The following IDO2 variants were observed in gnomAD, a reference collection of about 807,000 sequenced individuals.
IDO2 encodes indoleamine 2,3-dioxygenase-like 1 protein.
A neutral mutation model predicts 45.1 loss-of-function variants in IDO2; 46 were observed. The ratio of observed to expected loss-of-function variants is 1.02; its 90% CI spans 0.80 to 1.30. The LOEUF is 1.30. Among genes scored for constraint, IDO2 ranks in the 50% most tolerant of loss-of-function variants. The pLI, the probability that IDO2 is intolerant of heterozygous loss-of-function variation, is 0.00. For synonymous variants in IDO2, 218 were observed against 184.9 expected, an observed-to-expected ratio of 1.18 and a Z score of -1.45; for missense variants, 544 against 491.8, an observed-to-expected ratio of 1.11 and a Z score of -1.00.
In IDO2 at chr8:39,985,501, G is replaced by A. The variant is rs763812060; in HGVS notation, c.435-7G>A. On this transcript the variant is annotated splice_region_variant and splice_polypyrimidine_tract_variant and intron_variant, in intron 5 of 10. Transcript: ENST00000502986. ...TTGGTGGTCATCAATAACTGAAATT[G>A]GGCTAGATTCCTGGAAATTGGGTAA... The A allele has an allele frequency of 6.4e-6, 10 of 1,562,476 alleles. No individual in the cohort carries two copies. The highest frequency in any genetic ancestry group is 7.8e-6 in the Non-Finnish European group (9 of 1,152,090).
At chr8:39,974,510 C>T (rs547851062) in intron 3 of IDO2, among the ~76,000 whole-genome samples, 39 of 152,296 alleles carry the variant, frequency 2.6e-4, no homozygotes, top group African/African-American at 9.1e-4. Context: ...GGGCCCGGCA[C>T]GGTGGCTCAC....
At chr8:39,962,888 G>C (rs144570124) in intron 2 of IDO2, among the ~76,000 whole-genome samples, 2 of 152,298 alleles carry the variant, frequency 1.3e-5, no homozygotes, top group South Asian at 4.2e-4. Context: ...ATCAGAAAAG[G>C]CAACATTTGA....
chr8:39,959,674 T>C (rs375636071), intron 2 of IDO2, among the ~76,000 whole-genome samples: 1 of 152,004 alleles, frequency 6.6e-6, no homozygotes, highest in Non-Finnish European at 1.5e-5. Context: ...ATACAAAAAA[T>C]TAGCCAGGCA....
chr8:39,985,646 TA>T (rs1265352543), intron 6 of IDO2, 124 bp downstream of exon 6: 8 of 781,810 alleles, frequency 1.0e-5, no homozygotes, highest in South Asian at 1.8e-5. Context: ...ATAAAATGCA[TA>T]AAAAATATAC....
intron 3 of IDO2, among the ~76,000 whole-genome samples, chr8:39,966,204 T>C (rs1001565700): frequency 6.6e-6 from 1 of 151,938 alleles, no homozygotes; most frequent in African/African-American, 2.4e-5. Context: ...AATTTTTGTA[T>C]TTGTAGTAGA....
chr8:39,966,862 T>C (rs769167076), intron 3 of IDO2, among the ~76,000 whole-genome samples: 2 of 152,274 alleles, frequency 1.3e-5, no homozygotes, highest in Non-Finnish European at 2.9e-5. Flanking sequence ...AATGGGCAAC[T>C]CAAAAAGAAG....
intron 2 of IDO2, among the ~76,000 whole-genome samples, chr8:39,951,183 T>C (rs1807809273): frequency 6.6e-6 from 1 of 152,126 alleles, no homozygotes; most frequent in Non-Finnish European, 1.5e-5. Context: ...TCCACACTAT[T>C]CTTTAATCAT....
intron 1 of IDO2, among the ~76,000 whole-genome samples, chr8:39,941,509 G>A (rs2129592994): frequency 6.6e-6 from 1 of 152,262 alleles, no homozygotes; most frequent in South Asian, 2.1e-4. Flanking sequence ...CATTAACAAT[G>A]AGGAGCTCTT....
At chr8:39,997,181 A>T (rs1407545461) in intron 8 of IDO2, among the ~76,000 whole-genome samples, 1 of 152,228 alleles carries the variant, frequency 6.6e-6, no homozygotes, top group Non-Finnish European at 1.5e-5. Flanking sequence ...ATATTTTATT[A>T]AAAGGGCAGA....
intron 2 of IDO2, among the ~76,000 whole-genome samples, chr8:39,961,428 T>C (rs1807995608): frequency 6.7e-6 from 1 of 150,052 alleles, no homozygotes; most frequent in Non-Finnish European, 1.5e-5. Context: ...GTTCAAGCGA[T>C]TCTCCTACAT....
At chr8:39,993,283 G>A (rs1199271061) in intron 8 of IDO2, among the ~76,000 whole-genome samples, 1 of 151,852 alleles carries the variant, frequency 6.6e-6, no homozygotes, top group Non-Finnish European at 1.5e-5. Flanking sequence ...TCTCTAGGAA[G>A]TAATGTTCTT....
intron 8 of IDO2, chr8:39,995,245 C>CTTCTTCTTCTTCTT (rs1563438285): frequency 4.9e-4 from 34 of 68,796 alleles, no homozygotes; most frequent in African/African-American, 1.6e-3. Flanking sequence ...TTCTCCTTCT[C>CTTCTTCTTCTTCTT]CTTCTCCTTC....
At position 40,006,694 on chromosome 8, in the gene IDO2, C is replaced by G. The variant is rs146047172; in HGVS notation, c.719+1316C>G. On this transcript the variant is annotated intron_variant, in intron 9 of 10. Coordinates refer to ENST00000502986, the Ensembl canonical transcript of IDO2. ...TTATTTTTTGAGACAGAGTCTTGCT[C>G]TTTTCACCCAGGCTGGAGTGCAGTG... is the stretch of plus-strand genomic sequence containing the variant. Among the ~76,000 whole-genome samples, 1,317 of 133,484 alleles carry G rather than the reference C, an allele frequency of 9.9e-3. 4 individuals carry two copies. Among genetic ancestry groups the G allele is most frequent in the Non-Finnish European group, 0.014 (866 of 60,132 alleles). 87.6% of individuals were successfully genotyped at this position (133,484 alleles called of 152,430 possible).
In IDO2 at chr8:39,993,203, G is replaced by A. The variant is rs147962162; in HGVS notation, c.667+3365G>A. ...GGTTAAACTATTTTCAGACTTTCAA[G>A]TGTTGAGATTATTAAGACATGTGTT... On this transcript the variant is annotated intron_variant, in intron 8 of 10. Coordinates refer to ENST00000502986, the Ensembl canonical transcript of IDO2. Among the ~76,000 whole-genome samples, 13 of 152,084 alleles carry A rather than the reference G, an allele frequency of 8.5e-5. No homozygotes were observed. In the East Asian group the frequency reaches 2.5e-3, roughly 29 times the overall value.
At chr8:39,966,209 A>G (rs1808082577) in intron 3 of IDO2, among the ~76,000 whole-genome samples, 1 of 151,914 alleles carries the variant, frequency 6.6e-6, no homozygotes, top group African/African-American at 2.4e-5. Flanking sequence ...TTGTATTTGT[A>G]GTAGAGACGG....
At chr8:39,981,192 A>G (rs963597329) in intron 4 of IDO2, among the ~76,000 whole-genome samples, 2 of 151,506 alleles carry the variant, frequency 1.3e-5, no homozygotes, top group Admixed American at 1.3e-4. Context: ...CTCCCAAGTA[A>G]CTGGGACTAC....
chr8:40,012,168 A>G (rs1802319360), intron 9 of IDO2, among the ~76,000 whole-genome samples: 1 of 152,186 alleles, frequency 6.6e-6, no homozygotes, highest in Admixed American at 6.6e-5. Flanking sequence ...GTGTGTGTGT[A>G]TGTCCCTTCT....
At chr8:39,999,628 T>A (rs527431373) in intron 8 of IDO2, among the ~76,000 whole-genome samples, 1 of 152,134 alleles carries the variant, frequency 6.6e-6, no homozygotes, top group Non-Finnish European at 1.5e-5. Flanking sequence ...CATGCACAAC[T>A]AATTTTTGTA....
intron 1 of IDO2, among the ~76,000 whole-genome samples, chr8:39,944,720 T>C (rs1299788777): frequency 6.6e-6 from 1 of 152,206 alleles, no homozygotes; most frequent in Non-Finnish European, 1.5e-5. Flanking sequence ...TTTTAACTTT[T>C]TGCCTAATTT....
Sources: gnomAD v4.1 joint callset for allele counts (sites outside exome capture counted in the v4.1 genomes callset) on GRCh38, gnomAD v4.1.1 for gene constraint, MANE v1.5 for transcripts, NCBI Gene and HGNC (gene_info 2026-07-23, HGNC 2026-07-21) for gene names.